The following TSPAN10 variants were observed in gnomAD, a reference collection of about 807,000 sequenced individuals.
TSPAN10 encodes the protein tetraspanin 10.
A neutral mutation model predicts 15.0 loss-of-function variants in TSPAN10; 11 were observed. The observed-to-expected ratio is 0.73, with a 90% CI of 0.46 to 1.21. The LOEUF is 1.21. Among genes scored for constraint, TSPAN10 ranks in the 50% most tolerant of loss-of-function variants. The pLI is 0.00. For missense variants in TSPAN10, 486 were observed against 470.6 expected (o/e 1.03, Z -0.30); for synonymous variants, 241 against 226.2 (o/e 1.07, Z -0.59).
upstream of TSPAN10, among the ~76,000 whole-genome samples, chr17:81,642,113 A>G (rs2036183677): frequency 6.6e-6 from 1 of 152,178 alleles, no homozygotes; most frequent in Non-Finnish European, 1.5e-5. Context: ...GCACCCAAAC[A>G]TGCCTGCCTG....
At chr17:81,637,392 T>C in exon 1 of TSPAN10, 1 of 700,622 alleles carries the variant, frequency 1.4e-6, no homozygotes, top group Non-Finnish European at 2.6e-6. Flanking sequence ...ATTCCAAACT[T>C]CTCTCCATGC....
chr17:81,639,282 A>C (rs889514464), upstream of TSPAN10: 4 of 132,510 alleles, frequency 3.0e-5, no homozygotes, highest in African/African-American at 1.2e-4. Flanking sequence ...ATCCCAGCTC[A>C]CTGCAACCTC....
At chr17:81,645,244 A>G in exon 2 of TSPAN10, 1 of 1,536,140 alleles carries the variant, frequency 6.5e-7, no homozygotes, top group Non-Finnish European at 8.7e-7. Flanking sequence ...GGCCCTGGCC[A>G]TCGGGCTCTG....
In TSPAN10 at chr17:81,645,079, G is replaced by A; in HGVS notation, c.124G>A (p.Ala42Thr). Residue 42 changes from alanine to threonine, a missense_variant, in exon 2 of 3, where the codon GCC becomes ACC. Physicochemically the swap from Ala to Thr is moderately conservative, Grantham distance 58. Coordinates refer to ENST00000611590, the Ensembl canonical transcript of TSPAN10. ...AGTGCCCAGGGAGGACCAGGCGGAG[G>A]CCTGGGGCTGCAGCTGCTGTCCCCC... The A allele has an allele frequency of 6.3e-7, 1 of 1,593,504 alleles. No homozygotes were observed. The highest frequency in any genetic ancestry group is 8.5e-7 in the Non-Finnish European group (1 of 1,174,782).
chr17:81,640,606 G>A (rs144402219), upstream of TSPAN10, among the ~76,000 whole-genome samples: 41 of 152,072 alleles, frequency 2.7e-4, no homozygotes, highest in African/African-American at 9.6e-4. Context: ...GCGCCACGAT[G>A]CCCAGCTAAT....
Position 81,644,265 on chromosome 17 carries a change from C to T in TSPAN10, c.37-727C>T, listed in dbSNP as rs190662587. 5.9e-5 allele frequency among the ~76,000 whole-genome samples: 9 copies of T among 152,254 alleles called. No individual in the cohort carries two copies. In the East Asian group the frequency reaches 1.7e-3, roughly 29 times the overall value. On this transcript the variant is annotated intron_variant, in intron 1 of 2. Transcript: ENST00000611590. ...CAGCAAGCCTTTCCTGCCAGTGGGC[C>T]AGGGGGTCCCCTCTGAAGGCCCTGC...
At chr17:81,640,822 G>T (rs1360016573), upstream of TSPAN10, among the ~76,000 whole-genome samples, 1 of 152,184 alleles carries the variant, frequency 6.6e-6, no homozygotes, top group African/African-American at 2.4e-5. Flanking sequence ...TCATAAGAAT[G>T]TAAGGGGCAC....
At chr17:81,645,549 C>A in exon 2 of TSPAN10, 2 of 1,609,496 alleles carry the variant, frequency 1.2e-6, no homozygotes, top group Non-Finnish European at 1.7e-6. Flanking sequence ...ACGACCCAGA[C>A]CTGCGCTTCC....
chr17:81,643,705 C>T (rs188149758), intron 1 of TSPAN10, among the ~76,000 whole-genome samples: 1 of 152,018 alleles, frequency 6.6e-6, no homozygotes, highest in East Asian at 1.9e-4. Flanking sequence ...ATGGCTTGAG[C>T]CCAGGAGTTT....
At chr17:81,645,857 A>G (rs1018263210) in intron 2 of TSPAN10, 2 of 633,364 alleles carry the variant, frequency 3.2e-6, no homozygotes, top group Admixed American at 5.8e-5. Flanking sequence ...TGACATGAAC[A>G]TGTTCTTGTG....
At chr17:81,648,090 C>T (rs769732821) in exon 3 of TSPAN10, 2 of 1,586,432 alleles carry the variant, frequency 1.3e-6, no homozygotes, top group African/African-American at 2.7e-5. Context: ...GGTGGCTGCG[C>T]GCGAACCTGG....
At chr17:81,638,479 G>C (rs529072983), upstream of TSPAN10, 1 of 152,124 alleles carries the variant, frequency 6.6e-6, no homozygotes, top group African/African-American at 2.4e-5. Flanking sequence ...TGTATTTTTC[G>C]TAGAGACGGA....
chr17:81,639,431 C>T (rs1166486839), upstream of TSPAN10, among the ~76,000 whole-genome samples: 1 of 151,608 alleles, frequency 6.6e-6, no homozygotes, highest in Non-Finnish European at 1.5e-5. Context: ...TGGTCTCGAT[C>T]TCCTGACCTC....
At chr17:81,642,120 C>T (rs1295471728), upstream of TSPAN10, among the ~76,000 whole-genome samples, 1 of 152,164 alleles carries the variant, frequency 6.6e-6, no homozygotes, top group African/African-American at 2.4e-5. Flanking sequence ...AACATGCCTG[C>T]CTGAGTCACA....
chr17:81,638,125 C>T (rs7406089), upstream of TSPAN10: 76,512 of 151,616 alleles, frequency 0.5, 21,210 homozygotes, highest in East Asian at 0.99. Flanking sequence ...CAGGGTGCCA[C>T]TGTAACTACC....
intron 2 of TSPAN10, among the ~76,000 whole-genome samples, chr17:81,647,003 C>G (rs2036263921): frequency 6.6e-6 from 1 of 152,068 alleles, no homozygotes; most frequent in Admixed American, 6.6e-5. Context: ...ATGCCACACC[C>G]AGGACAGACG....
chr17:81,644,010 T>G (rs960503686), intron 1 of TSPAN10, among the ~76,000 whole-genome samples: 2 of 148,932 alleles, frequency 1.3e-5, no homozygotes, highest in South Asian at 2.1e-4. Context: ...CGGCTAATTT[T>G]TTTTTTTTTT....
chr17:81,644,636 G>A (rs763521185), intron 1 of TSPAN10, among the ~76,000 whole-genome samples: 29 of 152,332 alleles, frequency 1.9e-4, no homozygotes, highest in Middle Eastern at 3.4e-3. Flanking sequence ...ACCCTGACCC[G>A]GGGAGGCCGC....
At chr17:81,645,340 C>T (rs2036232587) in exon 2 of TSPAN10, 1 of 1,572,642 alleles carries the variant, frequency 6.4e-7, no homozygotes, top group Admixed American at 1.9e-5. Flanking sequence ...ACTGGGAGGG[C>T]TGGTGGTCAG....
Sources: allele counts gnomAD v4.1 joint callset (sites outside exome capture counted in the v4.1 genomes callset), GRCh38; gene constraint gnomAD v4.1.1; transcripts MANE v1.5; gene names NCBI Gene and HGNC (gene_info 2026-07-23, HGNC 2026-07-21).